The following CCDC102B variants were observed in gnomAD, a reference collection of about 807,000 sequenced individuals.
The protein encoded by CCDC102B is coiled-coil domain-containing protein 102B.
Under a neutral mutation model 57.4 loss-of-function variants are expected in CCDC102B, and 75 were observed. That is an observed-to-expected ratio of 1.31 (90% CI 1.08 to 1.58). CCDC102B has a LOEUF of 1.58. CCDC102B is among the 40% of genes most tolerant of loss of function. The pLI is 0.00. For missense variants in CCDC102B, 636 were observed against 582.6 expected (o/e 1.09, Z -0.94); for synonymous variants, 206 against 201.9 (o/e 1.02, Z -0.17).
intron 6 of CCDC102B, among the ~76,000 whole-genome samples, chr18:68,956,349 T>TAAAA (rs1491436001): frequency 1.7e-5 from 1 of 57,236 alleles, no homozygotes; most frequent in South Asian, 3.9e-4. Flanking sequence ...AATATATATA[T>TAAAA]TAATATATAT....
chr18:68,983,159 G>C (rs2050637335), intron 6 of CCDC102B, among the ~76,000 whole-genome samples: 2 of 144,392 alleles, frequency 1.4e-5, no homozygotes, highest in African/African-American at 5.1e-5. Flanking sequence ...TGATTAAAAG[G>C]TTTTTTTTTT....
intron 1 of CCDC102B, among the ~76,000 whole-genome samples, chr18:68,819,070 G>A (rs2036598056): frequency 6.6e-6 from 1 of 151,948 alleles, no homozygotes; most frequent in African/African-American, 2.4e-5. Context: ...TCATTCTGTT[G>A]ACAATGTCTT....
intron 6 of CCDC102B, among the ~76,000 whole-genome samples, chr18:68,927,035 AGTTT>A (rs2041496744): frequency 6.6e-6 from 1 of 151,942 alleles, no homozygotes; most frequent in Non-Finnish European, 1.5e-5. Flanking sequence ...GCCAAAAGTT[AGTTT>A]GTTTGAAACT....
At chr18:68,767,307 G>C (rs888597879) in intron 2 of CCDC102B, among the ~76,000 whole-genome samples, 13 of 152,152 alleles carry the variant, frequency 8.5e-5, no homozygotes, top group African/African-American at 3.1e-4. Context: ...GTCATGATGG[G>C]GGAGCTCCTA....
chr18:69,042,931 A>G (rs1305994158), intron 7 of CCDC102B, among the ~76,000 whole-genome samples: 4 of 152,102 alleles, frequency 2.6e-5, no homozygotes, highest in African/African-American at 9.7e-5. Context: ...AAAAAGACAC[A>G]GAGACAAAGT....
intron 6 of CCDC102B, among the ~76,000 whole-genome samples, chr18:68,944,902 C>G (rs545128655): frequency 6.6e-6 from 1 of 152,116 alleles, no homozygotes; most frequent in Non-Finnish European, 1.5e-5. Context: ...CCTCCATGCT[C>G]CTTTATAAAA....
At chr18:68,796,843 A>ATGTGTGTGTG (rs35894372), upstream of CCDC102B, among the ~76,000 whole-genome samples, 111 of 147,104 alleles carry the variant, frequency 7.5e-4, 2 homozygotes, top group African/African-American at 2.7e-3. Flanking sequence ...ATGTACATGC[A>ATGTGTGTGTG]TGTGTGTGTG....
intron 1 of CCDC102B, among the ~76,000 whole-genome samples, chr18:68,829,659 C>G (rs2037062395): frequency 6.6e-6 from 1 of 151,958 alleles, no homozygotes; most frequent in African/African-American, 2.4e-5. Context: ...ATTTCACTGA[C>G]ATAAAGAGCT....
chr18:68,958,364 C>T (rs2049961192), intron 6 of CCDC102B, among the ~76,000 whole-genome samples: 1 of 152,170 alleles, frequency 6.6e-6, no homozygotes, highest in South Asian at 2.1e-4. Context: ...GTTGATATGA[C>T]ATAGCACCTT....
intron 1 of CCDC102B, among the ~76,000 whole-genome samples, chr18:68,814,367 T>G (rs1471390515): frequency 6.6e-6 from 1 of 152,110 alleles, no homozygotes; most frequent in Non-Finnish European, 1.5e-5. Flanking sequence ...TGTCAATGAA[T>G]CAGCCACTGA....
intron 2 of CCDC102B, among the ~76,000 whole-genome samples, chr18:68,737,854 C>G (rs184862184): frequency 6.6e-6 from 1 of 151,982 alleles, no homozygotes; most frequent in Non-Finnish European, 1.5e-5. Context: ...CACATTGTTC[C>G]TCTTGGTGGA....
chr18:68,790,114 TG>T (rs1186103537), intron 2 of CCDC102B, among the ~76,000 whole-genome samples: 19 of 149,280 alleles, frequency 1.3e-4, no homozygotes, highest in Non-Finnish European at 2.4e-4. Context: ...CTGCCCCTGC[TG>T]GGGGGTGCCT....
chr18:68,748,297 A>G (rs1347991817), intron 2 of CCDC102B, among the ~76,000 whole-genome samples: 2 of 150,592 alleles, frequency 1.3e-5, no homozygotes, highest in Middle Eastern at 3.2e-3. Flanking sequence ...TAATCTGGAT[A>G]TTAACCCCTT....
intron 6 of CCDC102B, among the ~76,000 whole-genome samples, chr18:69,002,020 A>T (rs2051216505): frequency 6.6e-6 from 1 of 152,182 alleles, no homozygotes; most frequent in African/African-American, 2.4e-5. Flanking sequence ...TTTCCTGATC[A>T]CAGATGGGTT....
At chr18:68,759,031 A>G (rs900485465) in intron 2 of CCDC102B, among the ~76,000 whole-genome samples, 1 of 151,838 alleles carries the variant, frequency 6.6e-6, no homozygotes, top group Admixed American at 6.6e-5. Context: ...AAACAAACAA[A>G]CAAACAAAAA....
rs187678884 is a variant in CCDC102B at position 68,801,684 on chromosome 18, G to A, written c.-16+3503G>A. Reference sequence around the variant, plus strand: ...AAGTGAGATTTTTAGTCACTGACTCGGGAGCATATGTTTCTAAGCTGCAGT... The same window carrying A: ...AAGTGAGATTTTTAGTCACTGACTCAGGAGCATATGTTTCTAAGCTGCAGT... On this transcript the variant is annotated intron_variant, in intron 1 of 7. Transcript: ENST00000360242. Among the ~76,000 whole-genome samples the A allele has an allele frequency of 1.5e-3, 234 of 152,146 alleles. 1 individual carries two copies. The highest frequency in any genetic ancestry group is 2.7e-3 in the Admixed American group (42 of 15,278).
intron 5 of CCDC102B, among the ~76,000 whole-genome samples, chr18:68,886,018 G>C (rs562055296): frequency 3.3e-5 from 5 of 151,820 alleles, no homozygotes; most frequent in African/African-American, 1.2e-4. Flanking sequence ...CAAAATAAAT[G>C]CAATTATAGT....
chr18:68,749,095 G>C (rs2033743145), intron 2 of CCDC102B, among the ~76,000 whole-genome samples: 1 of 152,092 alleles, frequency 6.6e-6, no homozygotes, highest in South Asian at 2.1e-4. Flanking sequence ...TAGATGTGTG[G>C]TATTATTTCT....
intron 3 of CCDC102B, among the ~76,000 whole-genome samples, chr18:68,839,721 C>T (rs902550564): frequency 2.6e-5 from 4 of 152,246 alleles, no homozygotes; most frequent in African/African-American, 9.6e-5. Context: ...GTTGGGACAC[C>T]TGCACTGGGG....
Sources: allele counts gnomAD v4.1 joint callset (sites outside exome capture counted in the v4.1 genomes callset), GRCh38; gene constraint gnomAD v4.1.1; transcripts MANE v1.5; gene names NCBI Gene and HGNC (gene_info 2026-07-23, HGNC 2026-07-21).